SGMS1: variants seen among roughly 807,000 people sequenced by gnomAD.
The protein encoded by SGMS1 is phosphatidylcholine:ceramide cholinephosphotransferase 1.
A neutral mutation model predicts 46.2 loss-of-function variants in SGMS1; 13 were observed. The observed-to-expected ratio is 0.28, with a 90% confidence interval of 0.18 to 0.45. The LOEUF is 0.45. Ranked by LOEUF, SGMS1 falls within the 20% of genes least tolerant of loss-of-function variation. The pLI is 1.00. For missense variants in SGMS1, 324 were observed against 519.9 expected (o/e 0.62, Z 3.66); for synonymous variants, 203 against 187.8 (o/e 1.08, Z -0.66).
chr10:50,509,023 T>C (rs1230129904), intron 3 of SGMS1, among the ~76,000 whole-genome samples: 1 of 152,218 alleles, frequency 6.6e-6, no homozygotes, highest in East Asian at 1.9e-4. Context: ...TATTGGTAAG[T>C]GCTTGCTCAA....
At chr10:50,544,477 CCT>C (rs1408386357) in intron 2 of SGMS1, among the ~76,000 whole-genome samples, 1 of 152,150 alleles carries the variant, frequency 6.6e-6, no homozygotes, top group South Asian at 2.1e-4. Flanking sequence ...TTTGCATATG[CCT>C]CTCTCTCACT....
chr10:50,402,926 G>A (rs1156790524), intron 6 of SGMS1, among the ~76,000 whole-genome samples: 4 of 151,950 alleles, frequency 2.6e-5, no homozygotes, highest in African/African-American at 7.3e-5. Flanking sequence ...CACTCTGTAC[G>A]TCCCTGTGTA....
intron 6 of SGMS1, among the ~76,000 whole-genome samples, chr10:50,387,254 A>T (rs1217679073): frequency 6.6e-6 from 1 of 152,184 alleles, no homozygotes; most frequent in Non-Finnish European, 1.5e-5. Context: ...ATTAAGGCAA[A>T]GTTATAAAAG....
intron 6 of SGMS1, among the ~76,000 whole-genome samples, chr10:50,354,407 G>T (rs868510943): frequency 2.0e-5 from 3 of 152,158 alleles, no homozygotes; most frequent in Admixed American, 6.5e-5. Flanking sequence ...GCTGAAACTG[G>T]ATCCCTTCCT....
intron 2 of SGMS1, among the ~76,000 whole-genome samples, chr10:50,539,843 T>G (rs1838036576): frequency 6.6e-6 from 1 of 152,158 alleles, no homozygotes; most frequent in Non-Finnish European, 1.5e-5. Flanking sequence ...AACTTAATTA[T>G]GAAAGAAAAT....
At chr10:50,563,742 C>CA (rs60882939) in intron 2 of SGMS1, among the ~76,000 whole-genome samples, 15,324 of 65,224 alleles carry the variant, frequency 0.23, 2,069 homozygotes, top group Non-Finnish European at 0.29. Context: ...GACTCCGTCT[C>CA]AAAAAAAAAA....
At chr10:50,575,209 A>G (rs1182856844) in intron 2 of SGMS1, among the ~76,000 whole-genome samples, 1 of 152,064 alleles carries the variant, frequency 6.6e-6, no homozygotes, top group African/African-American at 2.4e-5. Context: ...CATAGTGTAC[A>G]ATATAGTGCC....
At chr10:50,607,246 G>A (rs574831501) in intron 1 of SGMS1, among the ~76,000 whole-genome samples, 1 of 151,426 alleles carries the variant, frequency 6.6e-6, no homozygotes, top group East Asian at 1.9e-4. Context: ...GCCTCCCAAA[G>A]TGCTAGGATT....
intron 6 of SGMS1, among the ~76,000 whole-genome samples, chr10:50,367,573 T>C (rs1044707012): frequency 1.3e-5 from 2 of 152,162 alleles, no homozygotes; most frequent in African/African-American, 4.8e-5. Flanking sequence ...AATCAAAAGA[T>C]TTTAAGAAAA....
intron 3 of SGMS1, among the ~76,000 whole-genome samples, chr10:50,508,897 C>T (rs966334733): frequency 2.0e-5 from 3 of 152,172 alleles, no homozygotes; most frequent in African/African-American, 7.2e-5. Context: ...GTTTAGCTGG[C>T]TGTACATGGT....
intron 2 of SGMS1, among the ~76,000 whole-genome samples, chr10:50,552,653 T>C (rs981468934): frequency 6.6e-6 from 1 of 152,224 alleles, no homozygotes; most frequent in African/African-American, 2.4e-5. Context: ...TATTAATATT[T>C]GCCACTGTAG....
At position 50,491,639 on chromosome 10, in the gene SGMS1, G is replaced by C. The variant is rs190864919; in HGVS notation, c.-497-24707C>G. Among the ~76,000 whole-genome samples, 6 of 152,272 alleles carry C rather than the reference G, an allele frequency of 3.9e-5. No individual in the cohort carries two copies. The East Asian group carries it at 1.2e-3, about 29-fold the overall frequency. On this transcript the variant is annotated intron_variant, in intron 3 of 10. Transcript: ENST00000361781. Reference sequence around the variant, plus strand: ...TGGGAAGAAATTGAATCCCTGAACAGACCAATAACGAACTCTGAGATTGAA... The same window carrying C: ...TGGGAAGAAATTGAATCCCTGAACACACCAATAACGAACTCTGAGATTGAA...
intron 7 of SGMS1, among the ~76,000 whole-genome samples, chr10:50,332,611 C>CTTTT (rs150975310): frequency 5.5e-5 from 4 of 72,700 alleles, no homozygotes; most frequent in African/African-American, 1.2e-4. Context: ...TTTTTTAAGT[C>CTTTT]TTTTTTTTTT....
chr10:50,548,665 C>T (rs1046040990), intron 2 of SGMS1, among the ~76,000 whole-genome samples: 7 of 152,168 alleles, frequency 4.6e-5, no homozygotes, highest in Admixed American at 2.6e-4. Context: ...GATTTCATGA[C>T]GAAATGCCAA....
At chr10:50,480,453 C>T (rs1837466128) in intron 3 of SGMS1, among the ~76,000 whole-genome samples, 1 of 152,068 alleles carries the variant, frequency 6.6e-6, no homozygotes, top group Non-Finnish European at 1.5e-5. Context: ...GATTCTCTCA[C>T]TGGGACTGAC....
chr10:50,512,310 A>G (rs1264128091), intron 3 of SGMS1, among the ~76,000 whole-genome samples: 1 of 152,130 alleles, frequency 6.6e-6, no homozygotes, highest in Non-Finnish European at 1.5e-5. Flanking sequence ...AAAAAAAACC[A>G]GACATACCCT....
At chr10:50,553,739 T>C (rs965633793) in intron 2 of SGMS1, among the ~76,000 whole-genome samples, 3 of 152,174 alleles carry the variant, frequency 2.0e-5, no homozygotes, top group Admixed American at 6.5e-5. Context: ...TGTGCTAAAT[T>C]CACGTCACTC....
intron 3 of SGMS1, among the ~76,000 whole-genome samples, chr10:50,511,777 T>C (rs1837757752): frequency 6.6e-6 from 1 of 152,162 alleles, no homozygotes; most frequent in South Asian, 2.1e-4. Flanking sequence ...CTTTTGGCTC[T>C]GGCATGACCC....
chr10:50,328,019 T>C (rs1020207610), intron 7 of SGMS1: 4 of 369,372 alleles, frequency 1.1e-5, no homozygotes, highest in Admixed American at 8.4e-5. Flanking sequence ...ATCAAATGTA[T>C]AGATTAAGTA....
Sources: allele counts gnomAD v4.1 joint callset (sites outside exome capture counted in the v4.1 genomes callset), GRCh38; gene constraint gnomAD v4.1.1; transcripts MANE v1.5; gene names NCBI Gene and HGNC (gene_info 2026-07-23, HGNC 2026-07-21).